Variants in TNRC6B observed in about 807,000 individuals in gnomAD.
The protein encoded by TNRC6B is trinucleotide repeat-containing gene 6B protein.
A neutral mutation model predicts 203.6 loss-of-function variants in TNRC6B; 52 were observed. The ratio of observed to expected loss-of-function variants is 0.26; its 90% CI spans 0.20 to 0.32. The LOEUF is 0.32. Among genes scored for constraint, TNRC6B ranks in the 10% least tolerant of loss-of-function variants. TNRC6B has a pLI of 1.00. For synonymous variants in TNRC6B, 838 were observed against 845.7 expected, an observed-to-expected ratio of 0.99 and a Z score of 0.16; for missense variants, 1,923 against 2,286.2, an observed-to-expected ratio of 0.84 and a Z score of 3.24.
chr22:40,307,008 A>G (rs1186595082), intron 15 of TNRC6B, among the ~76,000 whole-genome samples: 1 of 152,068 alleles, frequency 6.6e-6, no homozygotes, highest in Non-Finnish European at 1.5e-5. Flanking sequence ...TTTCATTTGA[A>G]ATATTTTCAT....
At chr22:40,216,297 C>T (rs1175043711) in intron 1 of TNRC6B, among the ~76,000 whole-genome samples, 1 of 152,148 alleles carries the variant, frequency 6.6e-6, no homozygotes, top group Admixed American at 6.6e-5. Flanking sequence ...CCCTCATTTC[C>T]CTTATGGCAC....
intron 12 of TNRC6B, among the ~76,000 whole-genome samples, chr22:40,295,893 C>T (rs2070932525): frequency 6.6e-6 from 1 of 152,004 alleles, no homozygotes; most frequent in African/African-American, 2.4e-5. Flanking sequence ...AGAAGAAGGA[C>T]GTTCAAACCA....
chr22:40,144,698 AAC>A (rs2068675513), intron 3 of TNRC6B, among the ~76,000 whole-genome samples: 1 of 147,262 alleles, frequency 6.8e-6, no homozygotes, highest in Non-Finnish European at 1.5e-5. Flanking sequence ...AAAAAAAATG[AAC>A]TCTTGATCAG....
rs34219543 is a variant in TNRC6B, at chr22:40,131,405, AT to A, written c.45+5556del. Reference sequence around the variant, plus strand: ...AGACTTTGACCTCTTGAGTTTAGGGATTTTTTTTTTTTTCTCTGCCAGAAAG... The same window carrying A: ...AGACTTTGACCTCTTGAGTTTAGGGATTTTTTTTTTTTCTCTGCCAGAAAG... On this transcript the variant is annotated intron_variant, in intron 3 of 23. Transcript: ENST00000301923. Among the ~76,000 whole-genome samples the A allele has an allele frequency of 4.3e-3, 635 of 146,624 alleles. 6 individuals carry two copies. Among genetic ancestry groups the A allele is most frequent in the South Asian group, 8.1e-3 (37 of 4,596 alleles).
intron 12 of TNRC6B, 114 bp from the exon 13 acceptor site, chr22:40,300,341 G>C (rs1482462639): frequency 8.7e-6 from 9 of 1,037,294 alleles, no homozygotes; most frequent in South Asian, 2.2e-5. Context: ...TCACAGAAAA[G>C]TTTGACAACT....
At chr22:40,280,676 A>G (rs1005224283) in intron 10 of TNRC6B, among the ~76,000 whole-genome samples, 3 of 152,206 alleles carry the variant, frequency 2.0e-5, no homozygotes, top group Non-Finnish European at 4.4e-5. Flanking sequence ...CTTGATCCAG[A>G]ATACCAATTT....
At chr22:40,268,402 C>A (rs991875223) in intron 5 of TNRC6B, among the ~76,000 whole-genome samples, 3 of 152,044 alleles carry the variant, frequency 2.0e-5, no homozygotes, top group Non-Finnish European at 4.4e-5. Context: ...CAGTTTTCTC[C>A]GAGTACACCT....
chr22:40,069,978 AATT>A (rs1359753854), intron 1 of TNRC6B, among the ~76,000 whole-genome samples: 1 of 152,076 alleles, frequency 6.6e-6, no homozygotes, highest in African/African-American at 2.4e-5. Flanking sequence ...AATTTTAACT[AATT>A]ATGTTTTATG....
intron 2 of TNRC6B, among the ~76,000 whole-genome samples, chr22:40,121,409 G>A (rs974902801): frequency 7.2e-5 from 11 of 152,232 alleles, no homozygotes; most frequent in African/African-American, 2.7e-4. Context: ...TATGCAGCGA[G>A]TAATTGTTCC....
intron 1 of TNRC6B, among the ~76,000 whole-genome samples, chr22:40,088,625 T>TGA (rs1370540488): frequency 6.6e-6 from 1 of 151,290 alleles, no homozygotes. Flanking sequence ...TGTGTGTGTG[T>TGA]GTGTGTTTTA....
chr22:40,298,964 T>C (rs1185370783), intron 12 of TNRC6B, among the ~76,000 whole-genome samples: 1 of 149,566 alleles, frequency 6.7e-6, no homozygotes, highest in East Asian at 2.0e-4. Flanking sequence ...AGACTCCGTC[T>C]CAAAAAAAAA....
chr22:40,154,855 AAAAAAATATATATAT>A (rs1227339052), intron 3 of TNRC6B, among the ~76,000 whole-genome samples: 38 of 51,718 alleles, frequency 7.3e-4, no homozygotes, highest in African/African-American at 3.9e-3. Flanking sequence ...AAAAAAAAAA[AAAAAAATATATATAT>A]ATATATATAT....
chr22:40,063,235 T>C (rs1454244842), intron 1 of TNRC6B, among the ~76,000 whole-genome samples: 3 of 152,234 alleles, frequency 2.0e-5, no homozygotes, highest in African/African-American at 7.2e-5. Flanking sequence ...TTGGCTGTAA[T>C]TGAGGGTTTA....
chr22:40,167,043 T>C (rs750400527), intron 4 of TNRC6B, among the ~76,000 whole-genome samples: 11 of 152,238 alleles, frequency 7.2e-5, no homozygotes, highest in Non-Finnish European at 1.5e-4. Flanking sequence ...ATGTATATCA[T>C]AACATAATTT....
At chr22:40,190,309 G>T (rs2069255131) in intron 1 of TNRC6B, among the ~76,000 whole-genome samples, 1 of 152,180 alleles carries the variant, frequency 6.6e-6, no homozygotes, top group African/African-American at 2.4e-5. Flanking sequence ...TCCATTAGGT[G>T]CTGAGCAGTT....
At chr22:40,257,444 C>CGGTA (rs1301081365) in intron 3 of TNRC6B, among the ~76,000 whole-genome samples, 2 of 152,166 alleles carry the variant, frequency 1.3e-5, no homozygotes, top group Non-Finnish European at 2.9e-5. Flanking sequence ...AGGACGGGCA[C>CGGTA]GGTAGCTCAT....
chr22:40,286,265 G>A (rs946762205), intron 12 of TNRC6B, among the ~76,000 whole-genome samples: 64 of 152,152 alleles, frequency 4.2e-4, no homozygotes, highest in African/African-American at 1.5e-3. Flanking sequence ...GATCACTTGA[G>A]TCCCGGAGTT....
At chr22:40,076,684 A>G (rs942982929) in intron 1 of TNRC6B, among the ~76,000 whole-genome samples, 1 of 152,148 alleles carries the variant, frequency 6.6e-6, no homozygotes, top group Non-Finnish European at 1.5e-5. Context: ...AGCCACCACA[A>G]CCAGCCACTC....
intron 3 of TNRC6B, among the ~76,000 whole-genome samples, chr22:40,132,955 A>T (rs1279429994): frequency 0.011 from 990 of 93,302 alleles, 35 homozygotes; most frequent in African/African-American, 0.036. Flanking sequence ...AAAAAAAAAA[A>T]AAAAAAAAAA....
Sources: gnomAD v4.1 joint callset for allele counts (sites outside exome capture counted in the v4.1 genomes callset) on GRCh38, gnomAD v4.1.1 for gene constraint, MANE v1.5 for transcripts, NCBI Gene and HGNC (gene_info 2026-07-23, HGNC 2026-07-21) for gene names.